ABCB9: variants seen among roughly 807,000 people sequenced by gnomAD.
The protein encoded by ABCB9 is ABC-type oligopeptide transporter ABCB9.
ABCB9 carries 36 observed loss-of-function variants against 62.0 expected under a neutral mutation model. That is an observed-to-expected ratio of 0.58 (90% CI 0.45 to 0.77). ABCB9 has a LOEUF of 0.77. Among genes scored for constraint, ABCB9 ranks in the 30% least tolerant of loss-of-function variants. The pLI, the probability that ABCB9 is intolerant of heterozygous loss-of-function variation, is 0.00. For missense variants in ABCB9, 943 were observed against 1,054.7 expected (o/e 0.89, Z 1.47); for synonymous variants, 435 against 461.4 (o/e 0.94, Z 0.73).
At position 122,944,587 on chromosome 12, in the gene ABCB9, C is replaced by CCCAT. The variant is rs1594021376; in HGVS notation, c.1252-72_1252-69dup. 1 of 1,584,606 alleles carries CCCAT rather than the reference C, an allele frequency of 6.3e-7. No individual in the cohort carries two copies. Among genetic ancestry groups the CCCAT allele is most frequent in the Non-Finnish European group, 8.6e-7 (1 of 1,163,260 alleles). On this transcript the variant is annotated intron_variant, in intron 6 of 11. Transcript: ENST00000280560. This position sits in a 1 kb window ranked among gnomAD's most constrained non-coding sequence, Gnocchi z 4.9. ...ATCCCCCACCATCCCCATTCCCTGACCCATCCCAGGCTGCAGGGGGAGGTG... is the reference window on the plus strand; with the variant it reads ...ATCCCCCACCATCCCCATTCCCTGACCCATCCATCCCAGGCTGCAGGGGGAGGTG...
At position 122,932,013 on chromosome 12, in the gene ABCB9, G is replaced by A. The variant is rs1038037024; in HGVS notation, c.2040+179C>T. 27 of 1,111,982 alleles carry A rather than the reference G, an allele frequency of 2.4e-5. No individual in the cohort carries two copies. The highest frequency in any genetic ancestry group is 3.1e-5 in the Non-Finnish European group (24 of 778,406). The allele number at this position is 1,111,982 out of a possible 1,614,324, so 68.9% of individuals were successfully genotyped here. The stretch of plus-strand genomic sequence containing the variant: ...GCTCTGCCTGGAGCCTGGAGGCTGG[G>A]TCCAGAGTGGCTCCTGGCTCCCCAC... On this transcript the variant is annotated intron_variant, in intron 11 of 11. Transcript: ENST00000280560. This position sits in a 1 kb window ranked among gnomAD's most constrained non-coding sequence, Gnocchi z 4.7.
At chr12:122,921,112 A>G (rs2034735543) in intron 11 of ABCB9, 2 of 1,492,914 alleles carry the variant, frequency 1.3e-6, no homozygotes, top group African/African-American at 1.4e-5. Context: ...ATGCCTCTGG[A>G]TCATGCAATT....
In ABCB9 at chr12:122,930,650, C is replaced by T. The variant is rs541493332; in HGVS notation, c.2041-479G>A. 6.6e-6 allele frequency among the ~76,000 whole-genome samples: 1 copy of T among 151,972 alleles called. No homozygotes were observed. Among genetic ancestry groups the T allele is most frequent in the Non-Finnish European group, 1.5e-5 (1 of 68,002 alleles). ...GTCTCGAACACCTGACTTTGTGATC[C>T]GCCTGGCCTCGGCCTCCCAAAGTGC... On this transcript the variant is annotated intron_variant, in intron 11 of 11. Coordinates refer to ENST00000280560, the MANE Select transcript of ABCB9 (RefSeq NM_019625.4). The surrounding 1 kb of genome is among the most constrained non-coding windows in gnomAD (Gnocchi z 4.9).
rs57112984 is a variant in ABCB9, at chr12:122,972,037, C to CTTTTTTTTTTTTTTTTTTT, written c.-88+2659_-88+2677dup. Among the ~76,000 whole-genome samples, 8 of 99,270 alleles carry CTTTTTTTTTTTTTTTTTTT rather than the reference C, an allele frequency of 8.1e-5. 1 individual carries two copies. Among genetic ancestry groups the CTTTTTTTTTTTTTTTTTTT allele is most frequent in the Non-Finnish European group, 7.5e-5 (4 of 53,234 alleles). The allele number at this position is 99,270 out of a possible 152,430, so 65.1% of individuals were successfully genotyped here. ...TTCATAGCAGCTTCATTCATAATGT[C>CTTTTTTTTTTTTTTTTTTT]TTTTTTTTTTTTTTTTTTTTTTGTT... On this transcript the variant is annotated intron_variant, in intron 1 of 11. Coordinates refer to the ABCB9 transcript ENST00000392439.
In ABCB9 at chr12:122,932,268, CG is replaced by C. The variant is rs1566155452; in HGVS notation, c.1963del (p.Arg655GlyfsTer26). Reference sequence around the variant, plus strand: ...GACTGGGGGGTTCCGCACCAGAGCCCGGGCCATGGCCACCCGCTGCTTCTGG... The same window carrying C: ...GACTGGGGGGTTCCGCACCAGAGCCCGGCCATGGCCACCCGCTGCTTCTGG... ...GGQKQRVAMA[R>X]ALVRNPPVLI... On this transcript the variant is annotated frameshift_variant, in exon 11 of 12. Transcript: ENST00000280560. LOFTEE classifies it high-confidence loss of function. The surrounding 1 kb of genome is among the most constrained non-coding windows in gnomAD (Gnocchi z 4.7). 4.5e-6 allele frequency: 7 copies of C among 1,551,508 alleles called. No individual in the cohort carries two copies. The highest frequency in any genetic ancestry group is 6.1e-6 in the Non-Finnish European group (7 of 1,147,190).
intron 10 of ABCB9, among the ~76,000 whole-genome samples, chr12:122,934,282 A>G (rs961905558): frequency 6.6e-6 from 1 of 152,180 alleles, no homozygotes; most frequent in Non-Finnish European, 1.5e-5. Context: ...TATAGTCAAC[A>G]GGTCTCTTGA....
downstream of ABCB9, among the ~76,000 whole-genome samples, chr12:122,919,339 AT>A: frequency 6.6e-6 from 1 of 151,950 alleles, no homozygotes; most frequent in Admixed American, 6.6e-5. Flanking sequence ...CGCCTGGCTG[AT>A]TTTTAAATTT....
intron 9 of ABCB9, among the ~76,000 whole-genome samples, chr12:122,936,712 C>T (rs1401795397): frequency 1.3e-5 from 2 of 152,148 alleles, no homozygotes; most frequent in East Asian, 3.9e-4. Flanking sequence ...TGAGACCAGC[C>T]TGACCAACAT....
intron 11 of ABCB9, among the ~76,000 whole-genome samples, chr12:122,923,362 A>G (rs536125172): frequency 2.0e-5 from 3 of 152,238 alleles, no homozygotes; most frequent in South Asian, 4.1e-4. Context: ...ACCTCCACGC[A>G]CTGCAAGCTC....
chr12:122,949,221 A>G (rs2036221496), intron 4 of ABCB9: 1 of 179,116 alleles, frequency 5.6e-6, no homozygotes, highest in Non-Finnish European at 1.2e-5. Context: ...AGGAAAGCGC[A>G]GACACTTCTT....
rs750183772 is a variant in ABCB9 at position 122,940,173 on chromosome 12, C to T, written c.1681G>A (p.Gly561Ser). ...GGCTTGCCGTCCAGCAGCACCCGGCCCCCCTCCAGGGGGTAGAAGTTCTCC... is the reference window on the plus strand; with the variant it reads ...GGCTTGCCGTCCAGCAGCACCCGGCTCCCCTCCAGGGGGTAGAAGTTCTCC... ...ILENFYPLEGGRVLLDGKPIS... is the reference protein window; with the variant it reads ...ILENFYPLEGSRVLLDGKPIS... Residue 561 changes from glycine (G) to serine (S), a missense_variant, in exon 9 of 12, where the codon GGC becomes AGC. Coordinates refer to ENST00000280560, the MANE Select transcript of ABCB9 (RefSeq NM_019625.4). This position sits in a 1 kb window ranked among gnomAD's most constrained non-coding sequence, Gnocchi z 4.8. The T allele has an allele frequency of 5.0e-6, 8 of 1,613,642 alleles. No individual in the cohort carries two copies. The East Asian group carries it at 1.6e-4, about 31-fold the overall frequency.
At chr12:122,938,485 CTG>C (rs761380635) in intron 9 of ABCB9, among the ~76,000 whole-genome samples, 4 of 152,064 alleles carry the variant, frequency 2.6e-5, no homozygotes, top group Non-Finnish European at 4.4e-5. Flanking sequence ...TAAGTTGTGA[CTG>C]TGCCACTGCA....
At position 122,940,434 on chromosome 12, in the gene ABCB9, T is replaced by A; in HGVS notation, c.1570-150A>T. On this transcript the variant is annotated intron_variant, in intron 8 of 11. Transcript: ENST00000280560. The surrounding 1 kb of genome is among the most constrained non-coding windows in gnomAD (Gnocchi z 4.8). The stretch of plus-strand genomic sequence containing the variant: ...ACTGCTGGCCCCTAAACGTTCTTTC[T>A]AAGACACTAGGACTTGGAAGCACCT... 1 of 932,140 alleles carries A rather than the reference T, an allele frequency of 1.1e-6. No individual in the cohort carries two copies. The highest frequency in any genetic ancestry group is 1.6e-6 in the Non-Finnish European group (1 of 638,954). 57.7% of individuals were successfully genotyped at this position (932,140 alleles called of 1,614,324 possible). A position where few individuals can be genotyped will look rare whatever the true frequency, so the allele number is the denominator to read the frequency against.
rs1342233997 is a variant in ABCB9, at chr12:122,964,121, A to G, written c.-88+2166T>C. Among the ~76,000 whole-genome samples, 2 of 152,114 alleles carry G rather than the reference A, an allele frequency of 1.3e-5. No homozygotes were observed. The highest frequency in any genetic ancestry group is 4.8e-5 in the African/African-American group (2 of 41,418). On this transcript the variant is annotated intron_variant, in intron 1 of 11. Coordinates refer to ENST00000280560, the MANE Select transcript of ABCB9 (RefSeq NM_019625.4). This position sits in a 1 kb window ranked among gnomAD's most constrained non-coding sequence, Gnocchi z 4.7. ...CTGCTGCTCTCCTCGTGGTGGGCAC[A>G]TGGGGTCCCTCAGTCCCCAGAAAGG...
At chr12:122,973,609 A>AAAAAAC (rs762311490) in intron 1 of ABCB9, among the ~76,000 whole-genome samples, 79 of 88,792 alleles carry the variant, frequency 8.9e-4, no homozygotes, top group Non-Finnish European at 1.4e-3. Flanking sequence ...AAAAAAAAAA[A>AAAAAAC]CAAAAACTTT....
chr12:122,942,606 A>G (rs1318423947), intron 7 of ABCB9, among the ~76,000 whole-genome samples: 32 of 148,066 alleles, frequency 2.2e-4, no homozygotes, highest in Admixed American at 2.2e-3. Context: ...GCGACAGAGC[A>G]AGACTCCATC....
In ABCB9 at chr12:122,946,213, T is replaced by C. The variant is rs531100911; in HGVS notation, c.1063A>G (p.Lys355Glu). 1.9e-6 allele frequency: 3 copies of C among 1,614,102 alleles called. No homozygotes were observed. The highest frequency in any genetic ancestry group is 3.3e-5 in the Admixed American group (2 of 60,010). The change falls in exon 6 of 12, where the codon AAA becomes GAA. Residue 355 changes from lysine (K) to glutamate (E), a missense_variant. Transcript: ENST00000280560. Reference sequence around the variant, plus strand: ...CTGGCCAGGGCATTCTGGACCTCTTTGGAGAGCCTCTATGGACAGGAGGGG... The same window carrying C: ...CTGGCCAGGGCATTCTGGACCTCTTCGGAGAGCCTCTATGGACAGGAGGGG... ...IYGKYYKRLS[K>E]EVQNALARAS...
At chr12:122,970,765 TATG>T (rs2037260824), upstream of ABCB9, among the ~76,000 whole-genome samples, 2 of 152,188 alleles carry the variant, frequency 1.3e-5, no homozygotes, top group South Asian at 4.1e-4. Context: ...TGGAAGCAAC[TATG>T]ATGTCGTTCA....
chr12:122,925,068 C>T (rs1310684402), downstream of ABCB9, among the ~76,000 whole-genome samples: 11 of 152,094 alleles, frequency 7.2e-5, no homozygotes, highest in Non-Finnish European at 2.9e-5. Flanking sequence ...AGGTGTGTGC[C>T]ACCATGCCCG....
Sources: allele counts gnomAD v4.1 joint callset (sites outside exome capture counted in the v4.1 genomes callset), GRCh38; gene constraint gnomAD v4.1.1; non-coding constraint Gnocchi (gnomAD v3.1); transcripts MANE v1.5; gene names NCBI Gene and HGNC (gene_info 2026-07-23, HGNC 2026-07-21).